The following LRRTM4 variants were observed in gnomAD, a reference collection of about 807,000 sequenced individuals.
LRRTM4 encodes the protein leucine-rich repeat transmembrane neuronal protein 4.
A neutral mutation model predicts 47.6 loss-of-function variants in LRRTM4; 25 were observed. That is an observed-to-expected ratio of 0.53 (90% confidence interval 0.38 to 0.73). The LOEUF is 0.73. Among genes scored for constraint, LRRTM4 ranks in the 30% least tolerant of loss-of-function variants. The probability of loss-of-function intolerance (pLI) is 0.00; values close to 1 mark genes in which losing one functional copy is unlikely to be tolerated. For synonymous variants in LRRTM4, 311 were observed against 269.5 expected (o/e 1.15, Z -1.51); for missense variants, 638 against 713.4 (o/e 0.89, Z 1.20).
intron 3 of LRRTM4, among the ~76,000 whole-genome samples, chr2:77,495,270 G>GA (rs1189693172): frequency 6.6e-6 from 1 of 152,036 alleles, no homozygotes; most frequent in Non-Finnish European, 1.5e-5. Context: ...AGCAATATAT[G>GA]AAAGTTCTAG....
chr2:76,866,586 TTTGA>T (rs1672475624), intron 3 of LRRTM4, among the ~76,000 whole-genome samples: 1 of 152,270 alleles, frequency 6.6e-6, no homozygotes, highest in Middle Eastern at 3.4e-3. Flanking sequence ...TCAAACAATC[TTTGA>T]TTGATGTGTG....
rs574752048 is a variant in LRRTM4 at position 77,519,896 on chromosome 2, T to C, written c.5-32A>G. On this transcript the variant is annotated intron_variant, in intron 2 of 3. Transcript: ENST00000409884. This position sits in a 1 kb window ranked among gnomAD's most constrained non-coding sequence, Gnocchi z 4.6. Reference sequence around the variant, plus strand: ...TATTAAAAAAAAGACAGATGCACATTGTGAAGCTATTAAAATAAATCACCG... The same window carrying C: ...TATTAAAAAAAAGACAGATGCACATCGTGAAGCTATTAAAATAAATCACCG... 226 of 1,517,294 alleles carry C rather than the reference T, an allele frequency of 1.5e-4. No homozygotes were observed. Among genetic ancestry groups the C allele is most frequent in the Non-Finnish European group, 2.0e-4 (222 of 1,131,950 alleles). The allele number at this position is 1,517,294 out of a possible 1,614,324, so 94.0% of individuals were successfully genotyped here.
intron 3 of LRRTM4, among the ~76,000 whole-genome samples, chr2:76,847,860 T>A (rs1234088748): frequency 1.3e-5 from 2 of 152,148 alleles, no homozygotes; most frequent in African/African-American, 4.8e-5. Context: ...GAAAGTGACA[T>A]GCTAAATCTT....
At chr2:77,059,624 C>T (rs1185298369) in intron 3 of LRRTM4, among the ~76,000 whole-genome samples, 1 of 152,088 alleles carries the variant, frequency 6.6e-6, no homozygotes, top group Non-Finnish European at 1.5e-5. Context: ...TTCCTTAAAC[C>T]TGAACAACAC....
At chr2:77,046,343 C>A (rs1367752801) in intron 3 of LRRTM4, among the ~76,000 whole-genome samples, 1 of 151,858 alleles carries the variant, frequency 6.6e-6, no homozygotes, top group Non-Finnish European at 1.5e-5. Context: ...TAACACACGG[C>A]CAACCAAAGT....
intron 3 of LRRTM4, among the ~76,000 whole-genome samples, chr2:76,867,535 G>T (rs546614955): frequency 6.6e-6 from 1 of 152,240 alleles, no homozygotes; most frequent in South Asian, 2.1e-4. Flanking sequence ...TTCTTTTTAT[G>T]GATGTTAGAA....
At chr2:76,880,283 T>C (rs374547158) in intron 3 of LRRTM4, among the ~76,000 whole-genome samples, 10 of 152,248 alleles carry the variant, frequency 6.6e-5, no homozygotes, top group South Asian at 4.1e-4. Flanking sequence ...TTTTTAAAAA[T>C]TGCCATAGCC....
At chr2:77,184,090 AGAT>A (rs1391506488) in intron 3 of LRRTM4, among the ~76,000 whole-genome samples, 1 of 152,206 alleles carries the variant, frequency 6.6e-6, no homozygotes, top group Non-Finnish European at 1.5e-5. Flanking sequence ...TAATACAAAA[AGAT>A]AATAATAAAA....
At chr2:77,379,222 G>T (rs1367762602) in intron 3 of LRRTM4, among the ~76,000 whole-genome samples, 1 of 151,908 alleles carries the variant, frequency 6.6e-6, no homozygotes, top group African/African-American at 2.4e-5. Flanking sequence ...ATTGGCAGTG[G>T]TTATTCTCAC....
chr2:76,806,668 A>C (rs1206368134), intron 3 of LRRTM4, among the ~76,000 whole-genome samples: 1 of 152,160 alleles, frequency 6.6e-6, no homozygotes, highest in African/African-American at 2.4e-5. Flanking sequence ...AATATATTAC[A>C]AAGTAATACT....
chr2:77,081,501 T>G (rs1480592966), intron 3 of LRRTM4, among the ~76,000 whole-genome samples: 2 of 151,996 alleles, frequency 1.3e-5, no homozygotes, highest in Non-Finnish European at 2.9e-5. Flanking sequence ...GTGTAAGAAA[T>G]TAATACATAT....
intron 3 of LRRTM4, among the ~76,000 whole-genome samples, chr2:76,900,403 T>C (rs1278391915): frequency 7.8e-6 from 1 of 128,128 alleles, no homozygotes; most frequent in Non-Finnish European, 1.6e-5. Flanking sequence ...TATTTCATGC[T>C]TATCTCTATT....
chr2:76,774,921 G>A (rs1673896527), intron 3 of LRRTM4, among the ~76,000 whole-genome samples: 1 of 152,126 alleles, frequency 6.6e-6, no homozygotes, highest in African/African-American at 2.4e-5. Context: ...ATGTAAATTT[G>A]TTTTCTGGCA....
chr2:77,274,059 T>A (rs1676274406), intron 3 of LRRTM4, among the ~76,000 whole-genome samples: 1 of 152,106 alleles, frequency 6.6e-6, no homozygotes, highest in Non-Finnish European at 1.5e-5. Context: ...ATGTTCACTC[T>A]GTGGAAATAA....
At chr2:77,018,503 G>C (rs1000694865) in intron 3 of LRRTM4, among the ~76,000 whole-genome samples, 2 of 152,012 alleles carry the variant, frequency 1.3e-5, no homozygotes, top group African/African-American at 4.8e-5. Flanking sequence ...ACGCATGATG[G>C]CTATTGACTC....
At chr2:77,201,073 G>A (rs949351421) in intron 3 of LRRTM4, among the ~76,000 whole-genome samples, 2 of 152,072 alleles carry the variant, frequency 1.3e-5, no homozygotes, top group Admixed American at 6.6e-5. Context: ...AATGATTTCA[G>A]GAGGGGATTC....
intron 3 of LRRTM4, among the ~76,000 whole-genome samples, chr2:77,101,478 T>C (rs1454996766): frequency 6.6e-6 from 1 of 152,140 alleles, no homozygotes; most frequent in Non-Finnish European, 1.5e-5. Flanking sequence ...TTTCTGTATA[T>C]ATTATGCCAA....
chr2:77,282,877 G>A (rs1430196849), intron 3 of LRRTM4, among the ~76,000 whole-genome samples: 1 of 151,772 alleles, frequency 6.6e-6, no homozygotes, highest in Non-Finnish European at 1.5e-5. Context: ...GTAAGACCTC[G>A]AAATATAAGA....
At chr2:76,939,077 CT>C (rs2103855966) in intron 3 of LRRTM4, among the ~76,000 whole-genome samples, 2 of 152,100 alleles carry the variant, frequency 1.3e-5, no homozygotes, top group African/African-American at 4.8e-5. Context: ...AATATTCAGA[CT>C]CCAACAACTT....
Sources: allele counts gnomAD v4.1 joint callset (sites outside exome capture counted in the v4.1 genomes callset), GRCh38; gene constraint gnomAD v4.1.1; non-coding constraint Gnocchi (gnomAD v3.1); transcripts MANE v1.5; gene names NCBI Gene and HGNC (gene_info 2026-07-23, HGNC 2026-07-21).